LTA4H: variants seen among roughly 807,000 people sequenced by gnomAD.
LTA4H encodes leukotriene A4 hydrolase, also known as leukotriene A-4 hydrolase.
In LTA4H, 59 loss-of-function variants were observed where a neutral mutation model predicts 89.8. The ratio of observed to expected loss-of-function variants is 0.66; its 90% confidence interval spans 0.53 to 0.82. LTA4H has a LOEUF of 0.82. Among genes scored for constraint, LTA4H ranks in the 40% least tolerant of loss-of-function variants. LTA4H has a pLI of 0.00. For synonymous variants in LTA4H, 227 were observed against 253.1 expected, an observed-to-expected ratio of 0.90 and a Z score of 0.98; for missense variants, 617 against 727.0, an observed-to-expected ratio of 0.85 and a Z score of 1.74.
intron 11 of LTA4H, chr12:96,015,292 C>T (rs942129201): frequency 8.1e-6 from 4 of 494,650 alleles, no homozygotes; most frequent in Non-Finnish European, 1.4e-5. Flanking sequence ...CAGGAGACAA[C>T]ACTTAAAAAT....
chr12:96,034,158 G>C (rs1295433549), intron 1 of LTA4H, among the ~76,000 whole-genome samples: 1 of 152,118 alleles, frequency 6.6e-6, no homozygotes, highest in Non-Finnish European at 1.5e-5. Flanking sequence ...TTATCTGCCC[G>C]ATCTGATCTG....
chr12:96,017,053 T>A lies in LTA4H; in HGVS notation c.938A>T (p.Asp313Val). 1 of 1,610,284 alleles carries A rather than the reference T, an allele frequency of 6.2e-7. No homozygotes were observed. Among genetic ancestry groups the A allele is most frequent in the Non-Finnish European group, 8.5e-7 (1 of 1,176,628 alleles). The change falls in exon 10 of 19, where the codon GAT becomes GTT. Residue 313 changes from aspartate (D) to valine (V), a missense_variant. By Grantham distance (152) the Asp-to-Val change is radical. Around this residue, in one of 3 missense-constraint regions of LTA4H, gnomAD observed 172 missense variants for 244.5 expected, o/e 0.70. Coordinates refer to ENST00000228740, the MANE Select transcript of LTA4H (RefSeq NM_000895.3). ...TGNLVTNKTW[D>V]HFWLNEGHTV... ...ATAACAAAAATCTTACCAAAAGTGA[T>A]CCCAAGTTTTGTTGGTCACTAGATT...
At chr12:96,023,725 G>A (rs1950480445) in intron 4 of LTA4H, among the ~76,000 whole-genome samples, 1 of 152,158 alleles carries the variant, frequency 6.6e-6, no homozygotes. Context: ...AGGATTAGCA[G>A]TACCTACCAA....
At chr12:96,036,013 C>T (rs535780118), upstream of LTA4H, among the ~76,000 whole-genome samples, 51 of 152,256 alleles carry the variant, frequency 3.3e-4, no homozygotes, top group Non-Finnish European at 4.6e-4. Flanking sequence ...GGCTTTCTTT[C>T]GTGCGGTTCC....
rs1950463911 is a variant in LTA4H, at chr12:96,022,397, T to C, written c.481-146A>G. The stretch of plus-strand genomic sequence containing the variant: ...AAAAAGTATATACATATACAAAAAG[T>C]ATATATATACACACACATATATATG... On this transcript the variant is annotated intron_variant, in intron 4 of 18. Transcript: ENST00000228740. This position sits in a 1 kb window ranked among gnomAD's most constrained non-coding sequence, Gnocchi z 4.0. 6.8e-6 allele frequency: 4 copies of C among 590,096 alleles called. No individual in the cohort carries two copies. Among genetic ancestry groups the C allele is most frequent in the Non-Finnish European group, 1.2e-5 (4 of 334,734 alleles). The allele number at this position is 590,096 out of a possible 1,614,324, so 36.6% of individuals were successfully genotyped here. A position where few individuals can be genotyped will look rare whatever the true frequency, so the allele number is the denominator to read the frequency against.
At chr12:96,006,542 C>A in intron 15 of LTA4H, 133 bp from the exon 16 acceptor site, 1 of 530,292 alleles carries the variant, frequency 1.9e-6, no homozygotes, top group South Asian at 3.0e-5. Context: ...TAAATTTAAG[C>A]CTGAGTTACT....
At chr12:96,027,839 C>T (rs757891374) in intron 2 of LTA4H, 16 of 199,630 alleles carry the variant, frequency 8.0e-5, no homozygotes, top group Non-Finnish European at 1.2e-4. Flanking sequence ...TTGTGTGTCA[C>T]GTACTTTGCA....
chr12:96,014,545 G>A (rs1950348433), intron 12 of LTA4H, among the ~76,000 whole-genome samples: 1 of 152,168 alleles, frequency 6.6e-6, no homozygotes, highest in Non-Finnish European at 1.5e-5. Flanking sequence ...GAAAGGGGTT[G>A]ATGGACTCTC....
intron 17 of LTA4H, 59 bp downstream of exon 17, chr12:96,003,779 T>A (rs1310391511): frequency 5.9e-6 from 7 of 1,182,176 alleles, no homozygotes; most frequent in Admixed American, 5.6e-5. Flanking sequence ...CCTTTCTCCA[T>A]CTTTCAAAGG....
At chr12:96,016,944 A>G in intron 10 of LTA4H, 100 bp downstream of exon 10, 2 of 820,250 alleles carry the variant, frequency 2.4e-6, no homozygotes, top group Non-Finnish European at 4.1e-6. Flanking sequence ...GATAACAAAG[A>G]AAAACAAGAG....
At chr12:96,021,306 T>C (rs1029605176) in intron 5 of LTA4H, among the ~76,000 whole-genome samples, 169 bp from the exon 6 acceptor site, 1 of 152,242 alleles carries the variant, frequency 6.6e-6, no homozygotes, top group African/African-American at 2.4e-5. Context: ...CTTTAACATA[T>C]AGCTTAAAAT....
At chr12:96,023,748 G>A (rs935610388) in intron 4 of LTA4H, among the ~76,000 whole-genome samples, 3 of 152,132 alleles carry the variant, frequency 2.0e-5, no homozygotes, top group African/African-American at 7.2e-5. Flanking sequence ...GAATAAGTTG[G>A]AATTGCATAC....
intron 6 of LTA4H, among the ~76,000 whole-genome samples, chr12:96,020,172 C>T (rs1156966339): frequency 4.0e-5 from 6 of 151,744 alleles, no homozygotes; most frequent in African/African-American, 1.5e-4. Flanking sequence ...CCCAAAGTGA[C>T]GGGATTACAG....
intron 10 of LTA4H, among the ~76,000 whole-genome samples, chr12:96,016,352 T>C (rs1474493126): frequency 6.8e-6 from 1 of 146,278 alleles, no homozygotes; most frequent in Non-Finnish European, 1.5e-5. Context: ...GGCTTATGCC[T>C]ATAATCTCAG....
At chr12:96,025,125 T>C (rs560009635) in intron 3 of LTA4H, among the ~76,000 whole-genome samples, 3 of 152,254 alleles carry the variant, frequency 2.0e-5, no homozygotes, top group African/African-American at 7.2e-5. Context: ...TAGTGCCCAG[T>C]GAGAAGCTTT....
chr12:96,009,358 A>T, intron 14 of LTA4H: 1 of 539,348 alleles, frequency 1.9e-6, no homozygotes, highest in South Asian at 2.3e-5. Flanking sequence ...CACATTAATG[A>T]AACACCCATC....
intron 6 of LTA4H, chr12:96,020,870 CA>C (rs1248607087): frequency 1.1e-5 from 5 of 474,550 alleles, no homozygotes; most frequent in African/African-American, 4.1e-5. Flanking sequence ...AGAGCATGCT[CA>C]TTTTACAATA....
intron 1 of LTA4H, among the ~76,000 whole-genome samples, chr12:96,041,299 G>A (rs1202938828): frequency 1.3e-5 from 2 of 152,156 alleles, no homozygotes; most frequent in Non-Finnish European, 2.9e-5. Flanking sequence ...GTTTGTAAGA[G>A]TTGAGAACCC....
Position 96,002,957 on chromosome 12 carries a change from T to TACTTGAATAA in LTA4H, c.1711_1718+2dup. 5.7e-6 allele frequency: 9 copies of TACTTGAATAA among 1,587,946 alleles called. No homozygotes were observed. The highest frequency in any genetic ancestry group is 6.9e-6 in the Non-Finnish European group (8 of 1,164,432). ...TCAAAGTACGGTCTGAGTGGGTTCT[T>TACTTGAATAA]ACTTGAATAAGGGCCGGGTAAACTT... On this transcript the variant is annotated splice_region_variant and intron_variant, in intron 18 of 18. Transcript: ENST00000228740.
Sources: gnomAD v4.1 joint callset for allele counts (sites outside exome capture counted in the v4.1 genomes callset) on GRCh38, gnomAD v4.1.1 for gene constraint, gnomAD v4.1.1 regional missense constraint, Gnocchi (gnomAD v3.1) non-coding constraint, MANE v1.5 for transcripts, NCBI Gene and HGNC (gene_info 2026-07-23, HGNC 2026-07-21) for gene names.